The following TNKS2 variants were observed in gnomAD, a reference collection of about 807,000 sequenced individuals.
The protein encoded by TNKS2 is poly [ADP-ribose] polymerase tankyrase-2.
TNKS2 carries 72 observed loss-of-function variants against 137.6 expected under a neutral mutation model. The ratio of observed to expected loss-of-function variants is 0.52; its 90% CI spans 0.43 to 0.64. The LOEUF is 0.64. Among genes scored for constraint, TNKS2 ranks in the 30% least tolerant of loss-of-function variants. The pLI, the probability that TNKS2 is intolerant of heterozygous loss-of-function variation, is 0.00. For synonymous variants in TNKS2, 516 were observed against 512.1 expected, an observed-to-expected ratio of 1.01 and a Z score of -0.10; for missense variants, 1,049 against 1,410.2, an observed-to-expected ratio of 0.74 and a Z score of 4.10.
intron 1 of TNKS2, among the ~76,000 whole-genome samples, chr10:91,811,785 C>T (rs1328986272): frequency 2.6e-5 from 4 of 152,260 alleles, no homozygotes; most frequent in Middle Eastern, 3.4e-3. Flanking sequence ...GAGGGCTGGG[C>T]GCAGTGGCTC....
chr10:91,840,671 A>G lies in TNKS2; in HGVS notation c.1638A>G (p.Leu546=), dbSNP rs1445586927. 4 of 1,614,126 alleles carry G rather than the reference A, an allele frequency of 2.5e-6. No individual in the cohort carries two copies. Among genetic ancestry groups the G allele is most frequent in the Non-Finnish European group, 3.4e-6 (4 of 1,179,970 alleles). ...YNRVSVVEYL[L]QHGADVHAKD... ...GAGTGTCCGTGGTGGAATATCTGCT[A>G]CAGCATGGAGCTGATGTGCATGCTA... Residue 546 remains leucine, a synonymous_variant, in exon 14 of 27, where the codon CTA becomes CTG. Transcript: ENST00000371627.
At chr10:91,836,698 A>G in intron 12 of TNKS2, 1 of 985,184 alleles carries the variant, frequency 1.0e-6, no homozygotes, top group Non-Finnish European at 1.2e-6. Flanking sequence ...ATCATTATAC[A>G]CATTTACATA....
chr10:91,838,962 G>A (rs960391991), intron 13 of TNKS2, among the ~76,000 whole-genome samples: 2 of 152,152 alleles, frequency 1.3e-5, no homozygotes, highest in Admixed American at 6.5e-5. Context: ...CCACCTCCCG[G>A]GTTCAAGCAA....
intron 13 of TNKS2, among the ~76,000 whole-genome samples, chr10:91,840,200 T>G (rs1455770218): frequency 6.6e-6 from 1 of 152,042 alleles, no homozygotes; most frequent in Non-Finnish European, 1.5e-5. Flanking sequence ...ATTAGCCAGG[T>G]GTCCTGGCAT....
chr10:91,816,444 A>G (rs1384538061), intron 2 of TNKS2, among the ~76,000 whole-genome samples: 1 of 152,204 alleles, frequency 6.6e-6, no homozygotes, highest in Non-Finnish European at 1.5e-5. Context: ...CCTTGTAAGG[A>G]GTAATTTGCA....
Position 91,798,754 on chromosome 10 carries a change from G to A in TNKS2, c.64G>A (p.Glu22Lys). 3 of 1,252,514 alleles carry A rather than the reference G, an allele frequency of 2.4e-6. No individual in the cohort carries two copies. The highest frequency in any genetic ancestry group is 3.0e-6 in the Non-Finnish European group (3 of 992,746). The allele number at this position is 1,252,514 out of a possible 1,614,324, so 77.6% of individuals were successfully genotyped here. A position where few individuals can be genotyped will look rare whatever the true frequency, so the allele number is the denominator to read the frequency against. Residue 22 changes from glutamate to lysine, a missense_variant, in exon 1 of 27, where the codon GAG (glutamate) becomes AAG (lysine). By Grantham distance (56) the Glu-to-Lys change is moderately conservative. Coordinates refer to ENST00000371627, the MANE Select transcript of TNKS2 (RefSeq NM_025235.4). ...ACASAAAEAVEPAARELFEAC... is the reference protein window; with the variant it reads ...ACASAAAEAVKPAARELFEAC... ...CGCGAGCGCCGCGGCCGAGGCCGTG[G>A]AGCCGGCCGCCCGAGAGCTGTTCGA...
In TNKS2 at chr10:91,820,037, A is replaced by G; in HGVS notation, c.728+4A>G. 6.4e-7 allele frequency: 1 copy of G among 1,552,494 alleles called. No homozygotes were observed. Among genetic ancestry groups the G allele is most frequent in the Non-Finnish European group, 8.7e-7 (1 of 1,150,116 alleles). On this transcript the variant is annotated splice_donor_region_variant and intron_variant, in intron 6 of 26. Coordinates refer to ENST00000371627, the MANE Select transcript of TNKS2 (RefSeq NM_025235.4). ...ATGTCCATGCTAAAGATAAAGGGTA[A>G]GCATTTGAACAAAAACAAGGACTTT...
At chr10:91,842,419 G>A (rs1226377475) in intron 16 of TNKS2, 28 bp downstream of exon 16, 1 of 1,592,118 alleles carries the variant, frequency 6.3e-7, no homozygotes, top group Non-Finnish European at 8.6e-7. Flanking sequence ...CACAGATTTA[G>A]GCTGGTAATA....
intron 18 of TNKS2, among the ~76,000 whole-genome samples, chr10:91,846,782 T>C (rs933472889): frequency 2.0e-5 from 3 of 152,216 alleles, no homozygotes; most frequent in African/African-American, 7.2e-5. Context: ...CAACATTATC[T>C]CTTCAGGGAA....
Position 91,857,472 on chromosome 10 carries a change from G to A in TNKS2, c.3036G>A (p.Arg1012=). The change falls in exon 24 of 27, where the codon CGG becomes CGA. Residue 1012 remains arginine, a synonymous_variant. Transcript: ENST00000371627. Reference sequence around the variant, plus strand: ...AACTATGGGAAAGATACACTCACCGGAGAAAAGAAGTTTCTGAAGAAAACC... The same window carrying A: ...AACTATGGGAAAGATACACTCACCGAAGAAAAGAAGTTTCTGAAGAAAACC... The part of the protein sequence containing the change: ...NKKLWERYTH[R]RKEVSEENHN... The A allele has an allele frequency of 6.2e-7, 1 of 1,611,852 alleles. No homozygotes were observed. Among genetic ancestry groups the A allele is most frequent in the Non-Finnish European group, 8.5e-7 (1 of 1,178,594 alleles).
chr10:91,840,647 A>G lies in TNKS2; in HGVS notation c.1614A>G (p.Arg538=), dbSNP rs903618556. 6.8e-6 allele frequency: 11 copies of G among 1,614,114 alleles called. No homozygotes were observed. The highest frequency in any genetic ancestry group is 9.3e-6 in the Non-Finnish European group (11 of 1,180,012). ...TPLHFAAGYN[R]VSVVEYLLQH... is the part of the protein sequence containing the mutation. Reference sequence around the variant, plus strand: ...TTCATTTTGCAGCTGGGTATAACAGAGTGTCCGTGGTGGAATATCTGCTAC... The same window carrying G: ...TTCATTTTGCAGCTGGGTATAACAGGGTGTCCGTGGTGGAATATCTGCTAC... Residue 538 remains arginine (R), a synonymous_variant, in exon 14 of 27, where the codon AGA becomes AGG. Transcript: ENST00000371627.
rs1273597492 is a variant in TNKS2, at chr10:91,842,336, T to C, written c.2004T>C (p.Asp668=). The C allele has an allele frequency of 6.2e-7, 1 of 1,614,194 alleles. No individual in the cohort carries two copies. The highest frequency in any genetic ancestry group is 1.7e-5 in the Admixed American group (1 of 60,028). ...GAGTGAAGAAGTTGTCTTCTCCTGA[T>C]AATGTAAATTGCCGCGATACCCAAG... ...LARVKKLSSP[D]NVNCRDTQGR... is the part of the protein sequence containing the mutation. The change falls in exon 16 of 27, where the codon GAT becomes GAC. Residue 668 remains aspartate (D), a synonymous_variant. Transcript: ENST00000371627.
Position 91,863,514 on chromosome 10 carries a change from C to G in TNKS2, c.*515C>G, listed in dbSNP as rs1342881078. 6.6e-6 allele frequency: 1 copy of G among 152,584 alleles called. No homozygotes were observed. Among genetic ancestry groups the G allele is most frequent in the Non-Finnish European group, 1.5e-5 (1 of 68,026 alleles). The allele number at this position is 152,584 out of a possible 1,614,324, so 9.5% of individuals were successfully genotyped here. A position where few individuals can be genotyped will look rare whatever the true frequency, so the allele number is the denominator to read the frequency against. On this transcript the variant is annotated 3_prime_UTR_variant, in exon 27 of 27. Coordinates refer to ENST00000371627, the MANE Select transcript of TNKS2 (RefSeq NM_025235.4). ...TTTTCATATGTATTGTTCATCTATA[C>G]TTCATCTTACATCGTCATGATTGAG...
chr10:91,798,563 C>G lies in TNKS2; in HGVS notation c.-128C>G. On this transcript the variant is annotated 5_prime_UTR_variant, in exon 1 of 27. Coordinates refer to ENST00000371627, the MANE Select transcript of TNKS2 (RefSeq NM_025235.4). The stretch of plus-strand genomic sequence containing the variant: ...CATGGGACTGCGCCGGATCCGGTGA[C>G]AGCAGGGAGCCAAGCGGCCCGGGCC... 1 of 1,088,344 alleles carries G rather than the reference C, an allele frequency of 9.2e-7. No individual in the cohort carries two copies. Among genetic ancestry groups the G allele is most frequent in the Non-Finnish European group, 1.2e-6 (1 of 868,198 alleles). The allele number at this position is 1,088,344 out of a possible 1,614,324, so 67.4% of individuals were successfully genotyped here. A position where few individuals can be genotyped will look rare whatever the true frequency, so the allele number is the denominator to read the frequency against.
chr10:91,822,398 A>G, intron 7 of TNKS2, 36 bp downstream of exon 7: 2 of 1,517,696 alleles, frequency 1.3e-6, no homozygotes, highest in South Asian at 2.3e-5. Context: ...TACTTTCTAG[A>G]GTTATATAAA....
intron 12 of TNKS2, among the ~76,000 whole-genome samples, chr10:91,834,470 T>G (rs1451439497): frequency 6.6e-6 from 1 of 152,234 alleles, no homozygotes; most frequent in African/African-American, 2.4e-5. Context: ...TCTACACACT[T>G]GGCATAGATG....
chr10:91,842,201 G>T lies in TNKS2; in HGVS notation c.1869G>T (p.Arg623Ser), dbSNP rs1207861308. ...QHGADPTKKN[R>S]DGNTPLDLVK... ...GTGCAGACCCTACAAAAAAAAACAG[G>T]GATGGAAATACTCCTTTGGATCTTG... The change falls in exon 16 of 27, where the codon AGG (arginine) becomes AGT (serine). Residue 623 changes from arginine to serine, a missense_variant. Arg to Ser is a moderately radical substitution (Grantham distance 110, BLOSUM62 -1). This residue lies in a region of TNKS2 where 328 missense variants were observed against 436.0 expected (regional missense o/e 0.75). Transcript: ENST00000371627. The T allele has an allele frequency of 3.1e-6, 5 of 1,613,820 alleles. No homozygotes were observed. Among genetic ancestry groups the T allele is most frequent in the Non-Finnish European group, 4.2e-6 (5 of 1,179,870 alleles).
At chr10:91,854,254 TAAAG>T (rs778376147) in intron 21 of TNKS2, among the ~76,000 whole-genome samples, 15 of 152,162 alleles carry the variant, frequency 9.9e-5, no homozygotes, top group Admixed American at 6.5e-4. Context: ...GCGTAGTTAG[TAAAG>T]AAAGTAATTT....
chr10:91,858,530 T>G (rs982943038), intron 24 of TNKS2, among the ~76,000 whole-genome samples: 1 of 152,230 alleles, frequency 6.6e-6, no homozygotes, highest in African/African-American at 2.4e-5. Flanking sequence ...GATAAATGAA[T>G]TAGCTGTGGT....
Sources: allele counts gnomAD v4.1 joint callset (sites outside exome capture counted in the v4.1 genomes callset), GRCh38; gene constraint gnomAD v4.1.1; regional missense constraint gnomAD v4.1.1; transcripts MANE v1.5; gene names NCBI Gene and HGNC (gene_info 2026-07-23, HGNC 2026-07-21).